The following HDAC5 variants were observed in gnomAD, a reference collection of about 807,000 sequenced individuals.
HDAC5 encodes antigen NY-CO-9.
Under a neutral mutation model 133.3 loss-of-function variants are expected in HDAC5, and 25 were observed. The ratio of observed to expected loss-of-function variants is 0.19; its 90% CI spans 0.14 to 0.26. HDAC5 has a LOEUF of 0.26. Ranked by LOEUF, HDAC5 falls within the 10% of genes least tolerant of loss-of-function variation. HDAC5 has a pLI of 1.00. For missense variants in HDAC5, 1,041 were observed against 1,460.5 expected, an observed-to-expected ratio of 0.71 and a Z score of 4.68; for synonymous variants, 589 against 610.8, an observed-to-expected ratio of 0.96 and a Z score of 0.53.
intron 3 of HDAC5, among the ~76,000 whole-genome samples, chr17:44,105,127 G>A (rs374414018): frequency 1.7e-4 from 26 of 152,256 alleles, no homozygotes; most frequent in African/African-American, 4.1e-4. Flanking sequence ...ATTAAGGCCC[G>A]GTCTCAAACT....
chr17:44,112,883 T>G (rs1259754590), intron 2 of HDAC5, among the ~76,000 whole-genome samples: 1 of 152,166 alleles, frequency 6.6e-6, no homozygotes, highest in Non-Finnish European at 1.5e-5. Context: ...AGTGGAACAG[T>G]ACTCCCTCAG....
intron 3 of HDAC5, among the ~76,000 whole-genome samples, chr17:44,100,383 C>T (rs1474406227): frequency 6.6e-6 from 1 of 151,932 alleles, no homozygotes. Flanking sequence ...TGTGGACCTG[C>T]CTGGCAGACC....
chr17:44,097,857 T>C (rs943508351), intron 3 of HDAC5, among the ~76,000 whole-genome samples: 13 of 152,214 alleles, frequency 8.5e-5, no homozygotes, highest in Non-Finnish European at 1.8e-4. Flanking sequence ...GCACATGGGC[T>C]CAGGCAAGGG....
chr17:44,079,035 TC>T (rs2050253487), intron 24 of HDAC5, 108 bp downstream of exon 24: 2 of 1,522,782 alleles, frequency 1.3e-6, no homozygotes, highest in East Asian at 4.6e-5. Flanking sequence ...CATTAGCTGT[TC>T]CTTAGGACCA....
At chr17:44,105,373 T>C (rs2051867694) in intron 3 of HDAC5, among the ~76,000 whole-genome samples, 1 of 152,234 alleles carries the variant, frequency 6.6e-6, no homozygotes, top group Non-Finnish European at 1.5e-5. Flanking sequence ...ATAGAGTTAG[T>C]AGTCGATCCT....
chr17:44,097,066 G>A (rs1030382501), intron 3 of HDAC5, among the ~76,000 whole-genome samples: 2 of 152,228 alleles, frequency 1.3e-5, no homozygotes, highest in African/African-American at 4.8e-5. Flanking sequence ...GGTAGGAGGT[G>A]GCAAAGGGTG....
intron 2 of HDAC5, chr17:44,111,582 C>G: frequency 1.9e-6 from 1 of 517,440 alleles, no homozygotes; most frequent in Non-Finnish European, 3.9e-6. Context: ...TTCTTGCCTT[C>G]CAGAACAGGT....
intron 9 of HDAC5, 52 bp downstream of exon 9, chr17:44,092,120 T>C (rs954017563): frequency 1.3e-6 from 2 of 1,491,936 alleles, no homozygotes; most frequent in Non-Finnish European, 1.9e-6. Flanking sequence ...CTTTCTTCCA[T>C]GGGAAGGAGC....
At chr17:44,101,932 A>T (rs686660) in intron 3 of HDAC5, among the ~76,000 whole-genome samples, 1 of 152,174 alleles carries the variant, frequency 6.6e-6, no homozygotes, top group African/African-American at 2.4e-5. Flanking sequence ...GTTCAACTTT[A>T]TTCCTGAGCC....
At chr17:44,108,246 C>T (rs1567682930) in intron 3 of HDAC5, among the ~76,000 whole-genome samples, 1 of 152,178 alleles carries the variant, frequency 6.6e-6, no homozygotes, top group Non-Finnish European at 1.5e-5. Flanking sequence ...CTGTCTTACC[C>T]GCTGGGGTGA....
At chr17:44,122,576 G>A (rs1302346226) in intron 1 of HDAC5, among the ~76,000 whole-genome samples, 1 of 152,134 alleles carries the variant, frequency 6.6e-6, no homozygotes, top group South Asian at 2.1e-4. Context: ...ATTTCAGAAG[G>A]GGTATCAGCC....
At chr17:44,118,530 C>T (rs1390893899) in intron 1 of HDAC5, among the ~76,000 whole-genome samples, 1 of 152,168 alleles carries the variant, frequency 6.6e-6, no homozygotes, top group Non-Finnish European at 1.5e-5. Flanking sequence ...AGTAGCCCTG[C>T]TGAGGCCAGT....
chr17:44,081,782 T>C (rs1170462112), intron 20 of HDAC5: 3 of 152,114 alleles, frequency 2.0e-5, no homozygotes, highest in African/African-American at 7.2e-5. Context: ...GGTTTCACCA[T>C]GTTGGCCATC....
At chr17:44,079,366 G>T in intron 23 of HDAC5, 89 bp from the exon 24 acceptor site, 1 of 1,378,100 alleles carries the variant, frequency 7.3e-7, no homozygotes. Flanking sequence ...AAAAGGCCAG[G>T]CGCGGTGGCT....
intron 3 of HDAC5, among the ~76,000 whole-genome samples, chr17:44,096,596 C>T (rs1346456448): frequency 2.1e-5 from 3 of 145,126 alleles, no homozygotes; most frequent in Admixed American, 6.7e-5. Flanking sequence ...GCCTCAGCCC[C>T]GCAAGTAGCT....
chr17:44,078,040 G>A lies in HDAC5; in HGVS notation c.*336C>T, dbSNP rs72822657. Reference sequence around the variant, plus strand: ...CTTCCCGTTCCCTCCTCACTCGGGGGGCCCCAGAACTGGAGAGTACTGTCT... The same window carrying A: ...CTTCCCGTTCCCTCCTCACTCGGGGAGCCCCAGAACTGGAGAGTACTGTCT... On this transcript the variant is annotated 3_prime_UTR_variant, in exon 27 of 27. Transcript: ENST00000682912. 81,786 of 247,692 alleles carry A rather than the reference G, an allele frequency of 0.33. 16,006 individuals are homozygous for A. Among genetic ancestry groups the A allele is most frequent in the Middle Eastern group, 0.44 (384 of 872 alleles). The allele number at this position is 247,692 out of a possible 1,614,324, so 15.3% of individuals were successfully genotyped here. A position where few individuals can be genotyped will look rare whatever the true frequency, so the allele number is the denominator to read the frequency against.
At chr17:44,084,979 C>A in intron 15 of HDAC5, 43 bp downstream of exon 15, 1 of 1,557,668 alleles carries the variant, frequency 6.4e-7, no homozygotes, top group Non-Finnish European at 8.8e-7. Flanking sequence ...GAAACAAAGG[C>A]TGGATTTAAG....
intron 26 of HDAC5, 23 bp from the exon 27 acceptor site, chr17:44,078,438 G>C (rs112437247): frequency 6.4e-7 from 1 of 1,554,616 alleles, no homozygotes; most frequent in East Asian, 2.3e-5. Context: ...CACAGGGGAG[G>C]GTATTGAGTG....
chr17:44,083,887 G>T, intron 16 of HDAC5, 33 bp from the exon 17 acceptor site: 1 of 1,600,044 alleles, frequency 6.2e-7, no homozygotes, highest in Non-Finnish European at 8.6e-7. Flanking sequence ...TACTCTAGAA[G>T]TGGCCTCGGG....
Sources: gnomAD v4.1 joint callset for allele counts (sites outside exome capture counted in the v4.1 genomes callset) on GRCh38, gnomAD v4.1.1 for gene constraint, MANE v1.5 for transcripts, NCBI Gene and HGNC (gene_info 2026-07-23, HGNC 2026-07-21) for gene names.